The following SEC16A variants were observed in gnomAD, a reference collection of about 807,000 sequenced individuals.
SEC16A encodes the protein SEC16 homolog A, endoplasmic reticulum export factor.
SEC16A carries 110 observed loss-of-function variants against 221.9 expected under a neutral mutation model. The ratio of observed to expected loss-of-function variants is 0.50; its 90% CI spans 0.42 to 0.58. The LOEUF is 0.58. Among genes scored for constraint, SEC16A ranks in the 20% least tolerant of loss-of-function variants. The pLI, the probability that SEC16A is intolerant of heterozygous loss-of-function variation, is 0.00. For missense variants in SEC16A, 3,165 were observed against 3,097.8 expected (o/e 1.02, Z -0.52); for synonymous variants, 1,393 against 1,257.7 (o/e 1.11, Z -2.28).
chr9:136,457,099 G>A (rs1057431671), intron 18 of SEC16A, among the ~76,000 whole-genome samples: 4 of 152,218 alleles, frequency 2.6e-5, no homozygotes, highest in African/African-American at 7.2e-5. Context: ...CTTGAATCTG[G>A]GAGGCGGAGG....
At chr9:136,462,256 T>C (rs1564495298) in intron 12 of SEC16A, among the ~76,000 whole-genome samples, 1 of 152,240 alleles carries the variant, frequency 6.6e-6, no homozygotes, top group African/African-American at 2.4e-5. Flanking sequence ...TCTCTCCTGC[T>C]TAGCACATCC....
intron 9 of SEC16A, among the ~76,000 whole-genome samples, chr9:136,464,080 C>T (rs1347844837): frequency 1.3e-5 from 2 of 152,060 alleles, no homozygotes; most frequent in African/African-American, 4.8e-5. Context: ...ACGTCCACCC[C>T]ACCCGCCCCC....
rs758229553 is a variant in SEC16A, at chr9:136,455,757, G to C, written c.5701C>G (p.Pro1901Ala). ...AGVWHQDGAL[P>A]QQCPGTPSSE... ...CTCGGAGTGCCAGGACACTGCTGCG[G>C]GAGGGCTCCATCCTGATGCCATACT... Residue 1901 changes from proline to alanine, a missense_variant, in exon 20 of 32, where the codon CCG (proline) becomes GCG (alanine). By Grantham distance (27) the Pro-to-Ala change is conservative (BLOSUM62 -1). This residue lies in a region of SEC16A where 1,088 missense variants were observed against 1,089.6 expected (regional missense o/e 1.00). Transcript: ENST00000684901. 1 of 1,601,058 alleles carries C rather than the reference G, an allele frequency of 6.2e-7. No homozygotes were observed. Among genetic ancestry groups the C allele is most frequent in the Non-Finnish European group, 8.5e-7 (1 of 1,174,174 alleles).
upstream of SEC16A, chr9:136,483,442 C>G: frequency 4.6e-6 from 3 of 649,012 alleles, no homozygotes; most frequent in Non-Finnish European, 5.6e-6. Flanking sequence ...GCCCCTTTGG[C>G]CCCGCCCCTC....
At chr9:136,450,704 G>A (rs1181011356) in intron 23 of SEC16A, among the ~76,000 whole-genome samples, 1 of 152,196 alleles carries the variant, frequency 6.6e-6, no homozygotes, top group Non-Finnish European at 1.5e-5. Flanking sequence ...GTCCTCTGCT[G>A]CAGGATGTGT....
rs1564529501 is a variant in SEC16A at position 136,474,956 on chromosome 9, CCAGA to C, written c.2656_2659del (p.Ser886GlyfsTer80). 5.6e-6 allele frequency: 9 copies of C among 1,613,706 alleles called. No homozygotes were observed. Among genetic ancestry groups the C allele is most frequent in the African/African-American group, 1.3e-5 (1 of 74,976 alleles). ...GCTAAGGACAGAGCTGGTTGGAATCCCAGACAAAGAAGTGTTCTCCCCAGAATCA... is the reference window on the plus strand; with the variant it reads ...GCTAAGGACAGAGCTGGTTGGAATCCCAAAGAAGTGTTCTCCCCAGAATCA... On this transcript the variant is annotated frameshift_variant, in exon 3 of 32. Coordinates refer to ENST00000684901, the MANE Select transcript of SEC16A (RefSeq NM_014866.2). LOFTEE classifies it high-confidence loss of function.
rs375104192 is a variant in SEC16A at position 136,474,696 on chromosome 9, G to A, written c.2920C>T (p.Leu974=). Residue 974 remains leucine, a synonymous_variant, in exon 3 of 32, where the codon CTG becomes TTG. Coordinates refer to ENST00000684901, the MANE Select transcript of SEC16A (RefSeq NM_014866.2). ...TTTGCCTTATTACCATCAGGCACCA[G>A]GGTGCCGTGTGCAGGTGGAACTAAC... The part of the protein sequence containing the change: ...VVLVPPAHGT[L]VPDGNKANHS... 6.2e-7 allele frequency: 1 copy of A among 1,613,714 alleles called. No homozygotes were observed. The highest frequency in any genetic ancestry group is 8.5e-7 in the Non-Finnish European group (1 of 1,179,878).
intron 18 of SEC16A, 72 bp from the exon 19 acceptor site, chr9:136,456,238 G>A (rs1185424271): frequency 1.0e-5 from 11 of 1,099,932 alleles, no homozygotes; most frequent in South Asian, 3.8e-5. Context: ...TCAAAATGCC[G>A]GGCAATGCAG....
intron 22 of SEC16A, among the ~76,000 whole-genome samples, chr9:136,452,518 A>G (rs1374181494): frequency 6.8e-6 from 1 of 147,780 alleles, no homozygotes; most frequent in Non-Finnish European, 1.5e-5. Context: ...TAATCCCAGC[A>G]CTTTGGGAGG....
intron 12 of SEC16A, 138 bp from the exon 13 acceptor site, chr9:136,461,412 T>G: frequency 1.5e-6 from 1 of 672,148 alleles, no homozygotes; most frequent in South Asian, 1.7e-5. Context: ...TATTCACCAT[T>G]TGGAGACTAA....
Position 136,447,459 on chromosome 9 carries a change from A to G in SEC16A, c.6560-95T>C. ...TCACTGCGTCAGAGGAAAAGCACGC[A>G]GGGACGTGCGGGAAGCCACCTCCTC... On this transcript the variant is annotated intron_variant, in intron 26 of 31. Transcript: ENST00000684901. The surrounding 1 kb of genome is among the most constrained non-coding windows in gnomAD (Gnocchi z 5.5). The G allele has an allele frequency of 6.4e-7, 1 of 1,564,412 alleles. No homozygotes were observed. The highest frequency in any genetic ancestry group is 2.3e-5 in the East Asian group (1 of 43,152).
At chr9:136,483,773 G>T (rs1191717628), upstream of SEC16A, 17 of 985,476 alleles carry the variant, frequency 1.7e-5, no homozygotes, top group Non-Finnish European at 2.0e-5. Context: ...CTTCCGTTGG[G>T]CTGGGAGGCT....
chr9:136,456,151 G>C lies in SEC16A; in HGVS notation c.5566C>G (p.Arg1856Gly), dbSNP rs1417839855. 6.2e-7 allele frequency: 1 copy of C among 1,611,784 alleles called. No individual in the cohort carries two copies. The highest frequency in any genetic ancestry group is 8.5e-7 in the Non-Finnish European group (1 of 1,179,538). The change falls in exon 19 of 32, where the codon CGA becomes GGA. Residue 1856 changes from arginine to glycine, a missense_variant. Around this residue, in one of 3 missense-constraint regions of SEC16A, gnomAD observed 1,088 missense variants for 1,089.6 expected, o/e 1.00. Transcript: ENST00000684901. ...SQLVQMASQL[R>G]LFDPQLKEKP... ...TCTTTCAGCTGGGGATCGAAGAGTC[G>C]TAACTGGGAAGCCATCTAGACACGG...
chr9:136,458,189 T>G (rs373597340), intron 17 of SEC16A, among the ~76,000 whole-genome samples: 2 of 150,142 alleles, frequency 1.3e-5, no homozygotes, highest in Non-Finnish European at 3.0e-5. Context: ...GGCTGGTCTC[T>G]AATTCCTGAG....
chr9:136,471,350 T>G (rs992644648), intron 4 of SEC16A, among the ~76,000 whole-genome samples: 1 of 152,042 alleles, frequency 6.6e-6, no homozygotes, highest in Admixed American at 6.5e-5. Flanking sequence ...GGGGCATGTC[T>G]GTAGTCCCAG....
Position 136,476,020 on chromosome 9 carries a change from C to G in SEC16A, c.1596G>C (p.Arg532Ser). The change falls in exon 3 of 32, where the codon AGG (arginine) becomes AGC (serine). Residue 532 changes from arginine (R) to serine (S), a missense_variant. By Grantham distance (110) the Arg-to-Ser change is moderately radical. Transcript: ENST00000684901. ...SSSYSSRSHG[R>S]LSGSARPQEL... ...CCTGGGGCCTGGCTGAGCCTGAGAG[C>G]CTTCCGTGGCTTCTGCTGCTATAGC... The G allele has an allele frequency of 6.2e-7, 1 of 1,613,498 alleles. No individual in the cohort carries two copies. Among genetic ancestry groups the G allele is most frequent in the South Asian group, 1.1e-5 (1 of 91,086 alleles).
At position 136,474,079 on chromosome 9, in the gene SEC16A, CG is replaced by C; in HGVS notation, c.3536del (p.Pro1179ArgfsTer285). The C allele has an allele frequency of 6.2e-7, 1 of 1,608,190 alleles. No individual in the cohort carries two copies. The highest frequency in any genetic ancestry group is 8.5e-7 in the Non-Finnish European group (1 of 1,176,458). On this transcript the variant is annotated frameshift_variant, in exon 3 of 32. Transcript: ENST00000684901. LOFTEE classifies it high-confidence loss of function. ...YQPQYSLPYP[P>X]EPGAASLYYQ... is the part of the protein sequence containing the mutation. ...AATAGAGGGAGGCTGCGCCAGGCTC[CG>C]GTGGGTACGGCAAAGAGTACTGAGG... is the stretch of plus-strand genomic sequence containing the variant.
chr9:136,481,547 G>A (rs935230286), intron 1 of SEC16A, among the ~76,000 whole-genome samples: 3 of 152,204 alleles, frequency 2.0e-5, no homozygotes, highest in African/African-American at 7.2e-5. Flanking sequence ...CAGTTAAACT[G>A]CCTTGTAACC....
At chr9:136,454,445 T>C (rs538215537) in intron 20 of SEC16A, 118 bp from the exon 21 acceptor site, 1 of 976,074 alleles carries the variant, frequency 1.0e-6, no homozygotes, top group African/African-American at 1.6e-5. Context: ...ATTTCTTTTA[T>C]AAGGGAGGTC....
Sources: gnomAD v4.1 joint callset for allele counts (sites outside exome capture counted in the v4.1 genomes callset) on GRCh38, gnomAD v4.1.1 for gene constraint, gnomAD v4.1.1 regional missense constraint, Gnocchi (gnomAD v3.1) non-coding constraint, MANE v1.5 for transcripts, NCBI Gene and HGNC (gene_info 2026-07-23, HGNC 2026-07-21) for gene names.